Variants in PRKCSH observed in about 807,000 individuals in gnomAD.
PRKCSH encodes the protein PRKCSH beta subunit of glucosidase II.
Under a neutral mutation model 79.7 loss-of-function variants are expected in PRKCSH, and 42 were observed. The ratio of observed to expected loss-of-function variants is 0.53; its 90% CI spans 0.41 to 0.68. The LOEUF (loss-of-function observed/expected upper bound fraction) is 0.68. PRKCSH is among the 30% of genes least tolerant of loss of function. PRKCSH has a pLI of 0.00. For synonymous variants in PRKCSH, 325 were observed against 288.2 expected (o/e 1.13, Z -1.29); for missense variants, 686 against 709.0 (o/e 0.97, Z 0.37).
In PRKCSH at chr19:11,448,821, G is replaced by A. The variant is rs1284605804; in HGVS notation, c.1287-93G>A. The A allele has an allele frequency of 6.0e-6, 9 of 1,495,308 alleles. No homozygotes were observed. The highest frequency in any genetic ancestry group is 8.4e-6 in the Non-Finnish European group (9 of 1,073,346). The allele number at this position is 1,495,308 out of a possible 1,614,324, so 92.6% of individuals were successfully genotyped here. On this transcript the variant is annotated intron_variant, in intron 14 of 17. Coordinates refer to ENST00000677123, the MANE Select transcript of PRKCSH (RefSeq NM_001289104.2). This position sits in a 1 kb window ranked among gnomAD's most constrained non-coding sequence, Gnocchi z 4.4. Reference sequence around the variant, plus strand: ...TGGTCATTGGAGTTGGAGGTACCCTGTGTGTGGGGACTGGAGGAGGCGGTG... The same window carrying A: ...TGGTCATTGGAGTTGGAGGTACCCTATGTGTGGGGACTGGAGGAGGCGGTG...
intron 5 of PRKCSH, among the ~76,000 whole-genome samples, chr19:11,440,804 C>T (rs1166389483): frequency 6.6e-6 from 1 of 151,956 alleles, no homozygotes; most frequent in Non-Finnish European, 1.5e-5. Flanking sequence ...GTCATGATTT[C>T]TGTTCTGTCT....
In PRKCSH at chr19:11,449,452, T is replaced by G. The variant is rs1268594061; in HGVS notation, c.*16+24T>G. The G allele has an allele frequency of 1.2e-6, 2 of 1,612,120 alleles. No individual in the cohort carries two copies. Among genetic ancestry groups the G allele is most frequent in the East Asian group, 4.5e-5 (2 of 44,836 alleles). On this transcript the variant is annotated intron_variant, in intron 17 of 17. Coordinates refer to ENST00000677123, the MANE Select transcript of PRKCSH (RefSeq NM_001289104.2). The surrounding 1 kb of genome is among the most constrained non-coding windows in gnomAD (Gnocchi z 6.4). ...AGGTGGGCGGGGAGGTGGAGTCTCG[T>G]CGGCCTGCCCCAGCAAGGGGAGGCG...
At chr19:11,436,630 A>C in intron 3 of PRKCSH, 125 bp downstream of exon 3, 1 of 853,346 alleles carries the variant, frequency 1.2e-6, no homozygotes, top group Non-Finnish European at 1.9e-6. Flanking sequence ...CAAGCTCAGA[A>C]GTCAGTGGTC....
chr19:11,447,719 G>A lies in PRKCSH; in HGVS notation c.1056G>A (p.Pro352=), dbSNP rs746988087. 60 of 1,588,862 alleles carry A rather than the reference G, an allele frequency of 3.8e-5. No individual in the cohort carries two copies. The highest frequency in any genetic ancestry group is 9.1e-5 in the South Asian group (8 of 87,446). ...PKEAPPPLSP[P]QPASPAEEDK... is the part of the protein sequence containing the mutation. ...AGGCCCCACCGCCACTGTCACCCCC[G>A]CAGCCGGCCAGCCCTGCTGAGGAAG... is the stretch of plus-strand genomic sequence containing the variant. The change falls in exon 12 of 18, where the codon CCG becomes CCA. Residue 352 remains proline, a synonymous_variant. Transcript: ENST00000677123. The surrounding 1 kb of genome is among the most constrained non-coding windows in gnomAD (Gnocchi z 5.6).
chr19:11,447,511 CCCT>C lies in PRKCSH; in HGVS notation c.924_926del (p.Ser310del). 1 of 1,612,694 alleles carries C rather than the reference CCCT, an allele frequency of 6.2e-7. No individual in the cohort carries two copies. Among genetic ancestry groups the C allele is most frequent in the South Asian group, 1.1e-5 (1 of 90,970 alleles). On this transcript the variant is annotated inframe_deletion, in exon 11 of 18. Coordinates refer to ENST00000677123, the MANE Select transcript of PRKCSH (RefSeq NM_001289104.2). The surrounding 1 kb of genome is among the most constrained non-coding windows in gnomAD (Gnocchi z 5.6). ...GCCCAAGGAGGAGCAGCCGCCAGTG[CCCT>C]CGTCGCCCACAGAGGAGGAGGAGGA...
chr19:11,443,544 C>CA lies in PRKCSH; in HGVS notation c.598+1045dup, dbSNP rs1209714150. On this transcript the variant is annotated intron_variant, in intron 7 of 17. Coordinates refer to ENST00000677123, the MANE Select transcript of PRKCSH (RefSeq NM_001289104.2). The stretch of plus-strand genomic sequence containing the variant: ...CTGGCAACAGAGTGAGACTCCGTCT[C>CA]AAAAAAAAAAAAAAAATTAGCCTGG... 5.3e-3 allele frequency among the ~76,000 whole-genome samples: 546 copies of CA among 103,382 alleles called. 3 individuals carry two copies. Among genetic ancestry groups the CA allele is most frequent in the Middle Eastern group, 0.014 (2 of 142 alleles). The allele number at this position is 103,382 out of a possible 152,430, so 67.8% of individuals were successfully genotyped here. A position where few individuals can be genotyped will look rare whatever the true frequency, so the allele number is the denominator to read the frequency against.
At chr19:11,442,892 C>T (rs574543918) in intron 7 of PRKCSH, among the ~76,000 whole-genome samples, 6 of 152,082 alleles carry the variant, frequency 3.9e-5, no homozygotes, top group Non-Finnish European at 5.9e-5. Flanking sequence ...TTAGTAGAGA[C>T]GGGGTTTCAC....
Position 11,448,169 on chromosome 19 carries a change from C to T in PRKCSH, c.1127-53C>T, listed in dbSNP as rs939638514. 40 of 1,520,968 alleles carry T rather than the reference C, an allele frequency of 2.6e-5. No homozygotes were observed. Among genetic ancestry groups the T allele is most frequent in the Non-Finnish European group, 3.4e-5 (38 of 1,119,590 alleles). The allele number at this position is 1,520,968 out of a possible 1,614,324, so 94.2% of individuals were successfully genotyped here. Reference sequence around the variant, plus strand: ...AGCCACATCCATGGAACCCCGTTCCCCATCCTCCTGGATGGGGTTGAGGAC... The same window carrying T: ...AGCCACATCCATGGAACCCCGTTCCTCATCCTCCTGGATGGGGTTGAGGAC... On this transcript the variant is annotated intron_variant, in intron 12 of 17. Coordinates refer to ENST00000677123, the MANE Select transcript of PRKCSH (RefSeq NM_001289104.2). This position sits in a 1 kb window ranked among gnomAD's most constrained non-coding sequence, Gnocchi z 4.4.
At position 11,448,849 on chromosome 19, in the gene PRKCSH, G is replaced by C. The variant is rs1185074550; in HGVS notation, c.1287-65G>C. On this transcript the variant is annotated intron_variant, in intron 14 of 17. Coordinates refer to ENST00000677123, the MANE Select transcript of PRKCSH (RefSeq NM_001289104.2). The surrounding 1 kb of genome is among the most constrained non-coding windows in gnomAD (Gnocchi z 4.4). Reference sequence around the variant, plus strand: ...TGTGGGGACTGGAGGAGGCGGTGGGGGGTGGCTGTGGGAGGAGGCTGGAAT... The same window carrying C: ...TGTGGGGACTGGAGGAGGCGGTGGGCGGTGGCTGTGGGAGGAGGCTGGAAT... 3.2e-6 allele frequency: 5 copies of C among 1,582,528 alleles called. No individual in the cohort carries two copies. The highest frequency in any genetic ancestry group is 3.3e-4 in the Middle Eastern group (2 of 6,038).
intron 1 of PRKCSH, 63 bp downstream of exon 1, chr19:11,435,769 C>T: frequency 1.4e-6 from 2 of 1,389,610 alleles, no homozygotes; most frequent in Non-Finnish European, 1.9e-6. Context: ...CCGGAGGGTG[C>T]ATGTGTGGGT....
chr19:11,440,443 C>T (rs1970009137), intron 5 of PRKCSH, among the ~76,000 whole-genome samples: 1 of 151,554 alleles, frequency 6.6e-6, no homozygotes, highest in Admixed American at 6.6e-5. Context: ...TGAGCCACCG[C>T]CCCTGGCCCA....
At chr19:11,438,501 A>C (rs1279761831) in intron 5 of PRKCSH, among the ~76,000 whole-genome samples, 1 of 152,066 alleles carries the variant, frequency 6.6e-6, no homozygotes. Flanking sequence ...TCACACCTGT[A>C]ATCCCAGCAC....
At chr19:11,437,675 C>T (rs1178747617) in intron 3 of PRKCSH, among the ~76,000 whole-genome samples, 3 of 152,220 alleles carry the variant, frequency 2.0e-5, no homozygotes, top group Non-Finnish European at 4.4e-5. Flanking sequence ...TGAAGGGCCT[C>T]AGTGAGAAGA....
At position 11,448,766 on chromosome 19, in the gene PRKCSH, G is replaced by A. The variant is rs1970446027; in HGVS notation, c.1286+137G>A. 1.5e-6 allele frequency: 2 copies of A among 1,317,116 alleles called. No homozygotes were observed. Among genetic ancestry groups the A allele is most frequent in the African/African-American group, 1.4e-5 (1 of 69,014 alleles). 81.6% of individuals were successfully genotyped at this position (1,317,116 alleles called of 1,614,324 possible). On this transcript the variant is annotated intron_variant, in intron 14 of 17. Transcript: ENST00000677123. This position sits in a 1 kb window ranked among gnomAD's most constrained non-coding sequence, Gnocchi z 4.4. ...AGAGTGCTGCCTTCCATATTGAGGG[G>A]GAGCAGAAGCCAGGGGCCAGGTTTA...
intron 3 of PRKCSH, 120 bp downstream of exon 3, chr19:11,436,625 T>C: frequency 1.1e-6 from 1 of 875,658 alleles, no homozygotes; most frequent in Non-Finnish European, 1.8e-6. Flanking sequence ...AGAAACAAGC[T>C]CAGAAGTCAG....
chr19:11,449,610 T>C lies in PRKCSH; in HGVS notation c.*16+182T>C. The stretch of plus-strand genomic sequence containing the variant: ...CAGGCTGGAGTGCAGTGATGCGACC[T>C]CAGCTGACTGCAACCTCTACCTCCC... On this transcript the variant is annotated intron_variant, in intron 17 of 17. Coordinates refer to ENST00000677123, the MANE Select transcript of PRKCSH (RefSeq NM_001289104.2). The surrounding 1 kb of genome is among the most constrained non-coding windows in gnomAD (Gnocchi z 6.4). 1 of 740,650 alleles carries C rather than the reference T, an allele frequency of 1.4e-6. No homozygotes were observed. The highest frequency in any genetic ancestry group is 2.2e-6 in the Non-Finnish European group (1 of 460,892). 45.9% of individuals were successfully genotyped at this position (740,650 alleles called of 1,614,324 possible).
chr19:11,449,277 G>C lies in PRKCSH; in HGVS notation c.1473G>C (p.Leu491=), dbSNP rs1374973132. The C allele has an allele frequency of 6.2e-7, 1 of 1,613,736 alleles. No individual in the cohort carries two copies. Among genetic ancestry groups the C allele is most frequent in the Non-Finnish European group, 8.5e-7 (1 of 1,179,956 alleles). The change falls in exon 17 of 18, where the codon CTG becomes CTC. Residue 491 remains leucine (L), a synonymous_variant. Transcript: ENST00000677123. This position sits in a 1 kb window ranked among gnomAD's most constrained non-coding sequence, Gnocchi z 6.4. ...CTGCCCATCCCCAGGTGCGCCTCCT[G>C]TGCGGGAAAGAGACCATGGTGACCA... ...GPNRSTTVRL[L]CGKETMVTST... is the part of the protein sequence containing the mutation.
At position 11,447,794 on chromosome 19, in the gene PRKCSH, G is replaced by C; in HGVS notation, c.1126+5G>C. 1 of 1,559,536 alleles carries C rather than the reference G, an allele frequency of 6.4e-7. No individual in the cohort carries two copies. Among genetic ancestry groups the C allele is most frequent in the East Asian group, 2.4e-5 (1 of 41,982 alleles). On this transcript the variant is annotated splice_donor_5th_base_variant and intron_variant, in intron 12 of 17. Transcript: ENST00000677123. This position sits in a 1 kb window ranked among gnomAD's most constrained non-coding sequence, Gnocchi z 5.6. ...AGACGCAGGCCTTCATCGATGGTGA[G>C]GGTGGGCGGGGGCCAGGCTCCTCGG...
Position 11,437,915 on chromosome 19 carries a change from A to G in PRKCSH, c.236A>G (p.Asn79Ser), listed in dbSNP as rs570399212. 1 of 1,614,054 alleles carries G rather than the reference A, an allele frequency of 6.2e-7. No individual in the cohort carries two copies. Among genetic ancestry groups the G allele is most frequent in the African/African-American group, 1.3e-5 (1 of 74,908 alleles). The change falls in exon 4 of 18, where the codon AAC (asparagine) becomes AGC (serine). Residue 79 changes from asparagine to serine, a missense_variant. Asn to Ser is a conservative substitution (Grantham distance 46). Around this residue, in one of 2 missense-constraint regions of PRKCSH, gnomAD observed 549 missense variants for 520.2 expected, o/e 1.06. Transcript: ENST00000677123. ...ACPNGSFHCT[N>S]TGYKPLYIPS... ...CCTAATGGCAGCTTCCACTGCACCA[A>G]CACTGGCTATAAGCCCCTGTATATC...
Sources: gnomAD v4.1 joint callset for allele counts (sites outside exome capture counted in the v4.1 genomes callset) on GRCh38, gnomAD v4.1.1 for gene constraint, gnomAD v4.1.1 regional missense constraint, Gnocchi (gnomAD v3.1) non-coding constraint, MANE v1.5 for transcripts, NCBI Gene and HGNC (gene_info 2026-07-23, HGNC 2026-07-21) for gene names.